The following PCDHGA3 variants were observed in gnomAD, a reference collection of about 807,000 sequenced individuals.
The protein encoded by PCDHGA3 is protocadherin gamma subfamily A, 3.
In PCDHGA3, 40 loss-of-function variants were observed where a neutral mutation model predicts 58.5. That is an observed-to-expected ratio of 0.68 (90% CI 0.53 to 0.89). The LOEUF (loss-of-function observed/expected upper bound fraction) is 0.89. Ranked by LOEUF, PCDHGA3 falls within the 40% of genes least tolerant of loss-of-function variation. PCDHGA3 has a pLI of 0.00. For missense variants in PCDHGA3, 1,223 were observed against 1,195.9 expected (o/e 1.02, Z -0.33); for synonymous variants, 530 against 525.7 (o/e 1.01, Z -0.11).
In PCDHGA3 at chr5:141,448,136, A is replaced by G. The variant is rs2098567363; in HGVS notation, c.2425-46671A>G. Among the ~76,000 whole-genome samples, 5 of 152,036 alleles carry G rather than the reference A, an allele frequency of 3.3e-5. No individual in the cohort carries two copies. The South Asian group carries it at 1.0e-3, about 32-fold the overall frequency. On this transcript the variant is annotated intron_variant, in intron 1 of 3. Transcript: ENST00000253812. ...AAAATTAGCCTCCCCCACCCTCACT[A>G]TACCTCAGACTCACCCCTGAAAGAT...
At chr5:141,393,404 G>A (rs1159260916) in intron 1 of PCDHGA3, 1 of 1,614,024 alleles carries the variant, frequency 6.2e-7, no homozygotes, top group Non-Finnish European at 8.5e-7. Context: ...TGGTGCTGGA[G>A]CGCGCCCTGG....
chr5:141,350,282 G>A lies in PCDHGA3; in HGVS notation c.2424+3825G>A, dbSNP rs199858823. The A allele has an allele frequency of 1.4e-4, 219 of 1,511,982 alleles. No homozygotes were observed. The highest frequency in any genetic ancestry group is 1.8e-4 in the Non-Finnish European group (209 of 1,131,720). 93.7% of individuals were successfully genotyped at this position (1,511,982 alleles called of 1,614,324 possible). A position where few individuals can be genotyped will look rare whatever the true frequency, so the allele number is the denominator to read the frequency against. On this transcript the variant is annotated intron_variant, in intron 1 of 3. Transcript: ENST00000253812. The stretch of plus-strand genomic sequence containing the variant: ...TGAAATGCAGAGAGCCAGAGAAGCC[G>A]AAATGATGAAAAGTCAGGTACTGTT...
chr5:141,455,852 T>C (rs2154565235), intron 1 of PCDHGA3, among the ~76,000 whole-genome samples: 1 of 148,622 alleles, frequency 6.7e-6, no homozygotes, highest in South Asian at 2.1e-4. Context: ...CATAAAATAA[T>C]TTCTTTTATT....
intron 1 of PCDHGA3, chr5:141,372,329 T>G (rs374029933): frequency 2.5e-6 from 4 of 1,613,738 alleles, no homozygotes; most frequent in Non-Finnish European, 2.5e-6. Context: ...TGCTGGTCAC[T>G]GTGCGTGATG....
At chr5:141,364,184 A>G (rs1240883607) in intron 1 of PCDHGA3, 2 of 965,444 alleles carry the variant, frequency 2.1e-6, no homozygotes, top group Non-Finnish European at 1.5e-6. Flanking sequence ...CTCCCTCCAT[A>G]CTAAACACAC....
intron 1 of PCDHGA3, among the ~76,000 whole-genome samples, chr5:141,373,025 G>T (rs1194348949): frequency 6.6e-6 from 1 of 152,092 alleles, no homozygotes; most frequent in East Asian, 1.9e-4. Context: ...TGATAGTCTT[G>T]AAACTTTTCT....
chr5:141,383,179 G>A (rs1387934089), intron 1 of PCDHGA3: 2 of 1,614,006 alleles, frequency 1.2e-6, no homozygotes, highest in Admixed American at 1.7e-5. Context: ...AGACCGGGAA[G>A]AGATCTGCGC....
intron 1 of PCDHGA3, chr5:141,408,447 G>A (rs536531313): frequency 3.1e-6 from 5 of 1,614,064 alleles, no homozygotes; most frequent in Admixed American, 1.7e-5. Context: ...GCGGAGAGCG[G>A]GGACTTACTT....
At chr5:141,462,523 G>GTGTT (rs2099041548) in intron 1 of PCDHGA3, among the ~76,000 whole-genome samples, 1 of 152,024 alleles carries the variant, frequency 6.6e-6, no homozygotes, top group African/African-American at 2.4e-5. Context: ...GTTAGTAAGA[G>GTGTT]TGTTGTTCAG....
chr5:141,392,929 C>G, intron 1 of PCDHGA3: 2 of 1,613,888 alleles, frequency 1.2e-6, no homozygotes, highest in Non-Finnish European at 1.7e-6. Context: ...CCAGAAGAGA[C>G]GGACAAAGGC....
In PCDHGA3 at chr5:141,476,857, C is replaced by G. The variant is rs201408987; in HGVS notation, c.2425-17950C>G. The G allele has an allele frequency of 3.1e-6, 5 of 1,613,886 alleles. No individual in the cohort carries two copies. Among genetic ancestry groups the G allele is most frequent in the Non-Finnish European group, 4.2e-6 (5 of 1,180,046 alleles). On this transcript the variant is annotated intron_variant, in intron 1 of 3. Coordinates refer to ENST00000253812, the MANE Select transcript of PCDHGA3 (RefSeq NM_018916.4). This position sits in a 1 kb window ranked among gnomAD's most constrained non-coding sequence, Gnocchi z 7.6. Reference sequence around the variant, plus strand: ...ACAATGCGCCTGTCTTCAACCAGTCCTTGTACCGGGCGCGCGTCCTGGAGG... The same window carrying G: ...ACAATGCGCCTGTCTTCAACCAGTCGTTGTACCGGGCGCGCGTCCTGGAGG...
At chr5:141,453,865 A>T (rs1048679358) in intron 1 of PCDHGA3, among the ~76,000 whole-genome samples, 2 of 152,234 alleles carry the variant, frequency 1.3e-5, no homozygotes, top group African/African-American at 4.8e-5. Flanking sequence ...AAAATAACAG[A>T]TGAGCAAAAT....
Position 141,371,428 on chromosome 5 carries a change from C to T in PCDHGA3, c.2424+24971C>T, listed in dbSNP as rs763264073. On this transcript the variant is annotated intron_variant, in intron 1 of 3. Coordinates refer to ENST00000253812, the MANE Select transcript of PCDHGA3 (RefSeq NM_018916.4). ...ATTTCAGATGAAAATGACAATGCCCCGGAGATAACCCTGGCTTCTGAATCC... is the reference window on the plus strand; with the variant it reads ...ATTTCAGATGAAAATGACAATGCCCTGGAGATAACCCTGGCTTCTGAATCC... 3.7e-6 allele frequency: 6 copies of T among 1,613,772 alleles called. No individual in the cohort carries two copies. The African/African-American group carries it at 5.3e-5, about 14-fold the overall frequency.
intron 1 of PCDHGA3, among the ~76,000 whole-genome samples, chr5:141,450,335 T>A (rs1054670037): frequency 1.3e-5 from 2 of 152,158 alleles, no homozygotes; most frequent in African/African-American, 4.8e-5. Context: ...CTCTTTAATC[T>A]ACTTTAATCT....
intron 1 of PCDHGA3, chr5:141,405,537 A>G (rs2094682119): frequency 3.1e-6 from 2 of 643,630 alleles, no homozygotes; most frequent in Middle Eastern, 4.2e-4. Context: ...CTCCTGCCTC[A>G]GCCTCCCAAG....
intron 1 of PCDHGA3, among the ~76,000 whole-genome samples, chr5:141,492,409 C>A (rs1367119266): frequency 6.6e-6 from 1 of 152,230 alleles, no homozygotes; most frequent in Non-Finnish European, 1.5e-5. Flanking sequence ...TCCCCTCTGC[C>A]GCTCCCTCCG....
chr5:141,392,735 C>T, intron 1 of PCDHGA3: 1 of 1,428,540 alleles, frequency 7.0e-7, no homozygotes, highest in East Asian at 2.5e-5. Context: ...ATTGTCATCT[C>T]CATAGCTGCG....
At chr5:141,370,950 C>A in intron 1 of PCDHGA3, 1 of 1,614,002 alleles carries the variant, frequency 6.2e-7, no homozygotes, top group South Asian at 1.1e-5. Context: ...GAAGGAGAAC[C>A]TGGATGGCAG....
chr5:141,425,587 T>G (rs2096884432), intron 1 of PCDHGA3, among the ~76,000 whole-genome samples: 2 of 152,226 alleles, frequency 1.3e-5, no homozygotes. Flanking sequence ...CTAACTTTAT[T>G]CTGAATATGC....
Sources: gnomAD v4.1 joint callset for allele counts (sites outside exome capture counted in the v4.1 genomes callset) on GRCh38, gnomAD v4.1.1 for gene constraint, Gnocchi (gnomAD v3.1) non-coding constraint, MANE v1.5 for transcripts, NCBI Gene and HGNC (gene_info 2026-07-23, HGNC 2026-07-21) for gene names.